Variants in SLC1A6 observed in about 807,000 individuals in gnomAD.
SLC1A6 encodes the protein solute carrier family 1 member 6, also known as excitatory amino acid transporter 4.
SLC1A6 carries 15 observed loss-of-function variants against 42.1 expected under a neutral mutation model. That is an observed-to-expected ratio of 0.36 (90% CI 0.24 to 0.55). The LOEUF (loss-of-function observed/expected upper bound fraction) is 0.55. Among genes scored for constraint, SLC1A6 ranks in the 20% least tolerant of loss-of-function variants. The pLI is 0.88. For synonymous variants in SLC1A6, 317 were observed against 319.7 expected, an observed-to-expected ratio of 0.99 and a Z score of 0.09; for missense variants, 542 against 772.5, an observed-to-expected ratio of 0.70 and a Z score of 3.54.
chr19:14,993,076 C>A (rs2045828693), intron 1 of SLC1A6, among the ~76,000 whole-genome samples: 1 of 152,074 alleles, frequency 6.6e-6, no homozygotes, highest in Non-Finnish European at 1.5e-5. Flanking sequence ...GTCCTGATCC[C>A]CTGTCTTTCA....
intron 1 of SLC1A6, among the ~76,000 whole-genome samples, chr19:14,999,478 G>A (rs1237025006): frequency 6.6e-6 from 1 of 152,154 alleles, no homozygotes. Context: ...ATAAAACCAA[G>A]CTGTAGCTTA....
rs771421065 is a variant in SLC1A6 at position 14,962,285 on chromosome 19, A to T, written c.652T>A (p.Ser218Thr). 2 of 1,614,050 alleles carry T rather than the reference A, an allele frequency of 1.2e-6. No individual in the cohort carries two copies. The highest frequency in any genetic ancestry group is 2.2e-5 in the South Asian group (2 of 91,068). ...GGAGGCATGGAGGCACCCGGCTCAG[A>T]CCCGTTCTCTGTCCTCACCATGGTC... is the stretch of plus-strand genomic sequence containing the variant. ...TRTMVRTENG[S>T]EPGASMPPPF... The change falls in exon 6 of 10, where the codon TCT becomes ACT. Residue 218 changes from serine to threonine, a missense_variant. Physicochemically the swap from Ser to Thr is moderately conservative, Grantham distance 58. Around this residue, in one of 6 missense-constraint regions of SLC1A6, gnomAD observed 298 missense variants for 419.4 expected, o/e 0.71. Transcript: ENST00000594383.
chr19:14,980,749 G>A (rs1048808246), upstream of SLC1A6, among the ~76,000 whole-genome samples: 5 of 151,352 alleles, frequency 3.3e-5, no homozygotes, highest in African/African-American at 1.2e-4. Flanking sequence ...GAACTAGGCA[G>A]GCTCTTTTAT....
upstream of SLC1A6, among the ~76,000 whole-genome samples, chr19:14,982,411 C>A (rs893598517): frequency 6.6e-6 from 1 of 152,092 alleles, no homozygotes; most frequent in African/African-American, 2.4e-5. Flanking sequence ...TGCCTGTAAT[C>A]CCAGCTACTC....
chr19:14,964,141 C>T (rs984366917), intron 5 of SLC1A6, 178 bp downstream of exon 5: 8 of 627,756 alleles, frequency 1.3e-5, no homozygotes, highest in Non-Finnish European at 2.3e-5. Context: ...AAGTGCTTCT[C>T]CCTAACCCCC....
At chr19:14,975,768 A>G (rs113256335) in intron 1 of SLC1A6, among the ~76,000 whole-genome samples, 21 of 8,822 alleles carry the variant, frequency 2.4e-3, no homozygotes, top group African/African-American at 5.4e-3. Context: ...AAAAAAAAGG[A>G]AAAAAAAAAA....
chr19:14,972,830 C>T lies in SLC1A6; in HGVS notation c.81G>A (p.Gln27=), dbSNP rs559218629. 5.4e-5 allele frequency: 87 copies of T among 1,603,890 alleles called. 1 individual carries two copies. In the South Asian group the frequency reaches 6.8e-4, roughly 12 times the overall value. The change falls in exon 2 of 10, where the codon CAG becomes CAA. Residue 27 remains glutamine, a synonymous_variant. Coordinates refer to ENST00000594383, the MANE Select transcript of SLC1A6 (RefSeq NM_005071.3). ...GCAGTGCTCTCTGCTGCAGGCTTTC[C>T]TGCAGCCGCTGCAGCCAGCCCACCC... ...LGRVGWLQRL[Q]ESLQQRALRT...
chr19:14,963,682 C>A (rs550710308), intron 5 of SLC1A6, among the ~76,000 whole-genome samples: 101 of 152,186 alleles, frequency 6.6e-4, no homozygotes, highest in African/African-American at 2.3e-3. Context: ...AGTATAGATT[C>A]TGAATTTTTC....
chr19:14,973,069 A>G, intron 1 of SLC1A6, 152 bp from the exon 2 acceptor site: 1 of 615,040 alleles, frequency 1.6e-6, no homozygotes, highest in Non-Finnish European at 2.8e-6. Flanking sequence ...CTGTAATCCC[A>G]GCACTTTGGG....
intron 1 of SLC1A6, among the ~76,000 whole-genome samples, chr19:15,007,086 A>T (rs368792572): frequency 6.6e-6 from 1 of 152,236 alleles, no homozygotes; most frequent in African/African-American, 2.4e-5. Flanking sequence ...ACAATGGTAA[A>T]TAGGAGAGGC....
At chr19:14,992,913 TATTA>T (rs1397378203) in intron 1 of SLC1A6, among the ~76,000 whole-genome samples, 2 of 152,124 alleles carry the variant, frequency 1.3e-5, no homozygotes, top group Admixed American at 1.3e-4. Flanking sequence ...AAACGCTCCC[TATTA>T]ATTAATTAGG....
At position 14,950,074 on chromosome 19, in the gene SLC1A6, C is replaced by A. The variant is rs370548506; in HGVS notation, c.*121G>T. 16 of 619,246 alleles carry A rather than the reference C, an allele frequency of 2.6e-5. No homozygotes were observed. The highest frequency in any genetic ancestry group is 1.2e-4 in the South Asian group (4 of 34,378). The allele number at this position is 619,246 out of a possible 1,614,324, so 38.4% of individuals were successfully genotyped here. ...TCCTTTATTTCACTTTTCCCTCCCC[C>A]CTAAATGAGTCAAGCAGAACGTGTG... On this transcript the variant is annotated 3_prime_UTR_variant, in exon 10 of 10. Coordinates refer to ENST00000594383, the MANE Select transcript of SLC1A6 (RefSeq NM_005071.3).
chr19:14,961,286 A>G (rs2045508939), intron 6 of SLC1A6: 1 of 152,238 alleles, frequency 6.6e-6, no homozygotes, highest in Non-Finnish European at 1.5e-5. Context: ...GAACCATTCC[A>G]CAATGTAGAG....
At chr19:15,002,964 ATGT>A (rs140957015) in intron 1 of SLC1A6, among the ~76,000 whole-genome samples, 1,882 of 150,906 alleles carry the variant, frequency 0.012, 45 homozygotes, top group African/African-American at 0.043. Context: ...TTTTTGTGGG[ATGT>A]TGTTGTTGTT....
intron 5 of SLC1A6, 172 bp downstream of exon 5, chr19:14,964,147 C>A (rs1443211353): frequency 1.6e-6 from 1 of 614,670 alleles, no homozygotes; most frequent in Non-Finnish European, 3.0e-6. Flanking sequence ...TTCTCCCTAA[C>A]CCCCCCAGAT....
rs2045639267 is a variant in SLC1A6, at chr19:14,971,455, CT to C, written c.343+281del. 2.6e-5 allele frequency among the ~76,000 whole-genome samples: 4 copies of C among 152,266 alleles called. No individual in the cohort carries two copies. The South Asian group carries it at 8.3e-4, about 32-fold the overall frequency. ...GTTGCCCTTCCAAGACTTTCTCTCA[CT>C]TCTTTGTGATACTAAGCCCCTTGCA... On this transcript the variant is annotated intron_variant, in intron 3 of 9. Coordinates refer to ENST00000594383, the MANE Select transcript of SLC1A6 (RefSeq NM_005071.3).
At chr19:14,956,826 A>G (rs2045467321) in intron 6 of SLC1A6, 117 bp from the exon 7 acceptor site, 1 of 637,770 alleles carries the variant, frequency 1.6e-6, no homozygotes, top group Non-Finnish European at 2.7e-6. Flanking sequence ...AATACCCATG[A>G]TACGGCACCC....
In SLC1A6 at chr19:15,010,572, G is replaced by A. The variant is rs374376918; in HGVS notation, c.-82C>T. 65 of 658,240 alleles carry A rather than the reference G, an allele frequency of 9.9e-5. No homozygotes were observed. The East Asian group carries it at 1.5e-3, about 15-fold the overall frequency. The allele number at this position is 658,240 out of a possible 1,614,324, so 40.8% of individuals were successfully genotyped here. A position where few individuals can be genotyped will look rare whatever the true frequency, so the allele number is the denominator to read the frequency against. On this transcript the variant is annotated 5_prime_UTR_variant, in exon 1 of 9. Transcript: ENST00000430939. ...AAGGGCCATGTTGCTGGAAGCAACGGCGAGAAGGATGCTAGATGGGCTCTT... is the reference window on the plus strand; with the variant it reads ...AAGGGCCATGTTGCTGGAAGCAACGACGAGAAGGATGCTAGATGGGCTCTT...
chr19:15,005,511 C>CA (rs1344164800), intron 1 of SLC1A6, among the ~76,000 whole-genome samples: 2 of 151,794 alleles, frequency 1.3e-5, no homozygotes, highest in African/African-American at 4.8e-5. Flanking sequence ...CTCCTTCTCA[C>CA]AAAAACAAAA....
Sources: allele counts gnomAD v4.1 joint callset (sites outside exome capture counted in the v4.1 genomes callset), GRCh38; gene constraint gnomAD v4.1.1; regional missense constraint gnomAD v4.1.1; transcripts MANE v1.5; gene names NCBI Gene and HGNC (gene_info 2026-07-23, HGNC 2026-07-21).